Variants in MALRD1 observed in about 807,000 individuals in gnomAD.
The protein encoded by MALRD1 is MAM and LDL receptor class A domain containing 1.
A neutral mutation model predicts 242.1 loss-of-function variants in MALRD1; 247 were observed. The observed-to-expected ratio is 1.02, with a 90% CI of 0.92 to 1.13. The LOEUF is 1.13. Ranked by LOEUF, MALRD1 falls within the 50% of genes most tolerant of loss-of-function variation. The probability of loss-of-function intolerance (pLI) is 0.00; values close to 1 mark genes in which losing one functional copy is unlikely to be tolerated. For synonymous variants in MALRD1, 995 were observed against 866.6 expected (o/e 1.15, Z -2.60); for missense variants, 2,989 against 2,533.1 (o/e 1.18, Z -3.86).
At chr10:19,713,558 T>C (rs1408475642) in intron 38 of MALRD1, among the ~76,000 whole-genome samples, 2 of 152,252 alleles carry the variant, frequency 1.3e-5, no homozygotes, top group African/African-American at 4.8e-5. Flanking sequence ...TTTAATTGTC[T>C]GAAAAATATT....
chr10:19,418,980 G>A (rs1197375933), intron 28 of MALRD1, among the ~76,000 whole-genome samples: 1 of 152,010 alleles, frequency 6.6e-6, no homozygotes, highest in Non-Finnish European at 1.5e-5. Flanking sequence ...TAGTAGTATG[G>A]TGGAGCACAT....
At chr10:19,186,221 T>C (rs1835731349) in intron 14 of MALRD1, among the ~76,000 whole-genome samples, 1 of 152,220 alleles carries the variant, frequency 6.6e-6, no homozygotes, top group Non-Finnish European at 1.5e-5. Context: ...CTCTTCTCAT[T>C]GTCCTCAAGT....
chr10:19,312,400 A>ATATGTATG (rs1491220851), intron 21 of MALRD1, among the ~76,000 whole-genome samples: 10 of 143,634 alleles, frequency 7.0e-5, no homozygotes, highest in African/African-American at 2.6e-4. Context: ...ATATATATAT[A>ATATGTATG]TGTGTATATG....
At chr10:19,626,881 G>A (rs1160994884) in intron 36 of MALRD1, among the ~76,000 whole-genome samples, 1 of 151,970 alleles carries the variant, frequency 6.6e-6, no homozygotes, top group African/African-American at 2.4e-5. Context: ...GGATTTTAAT[G>A]TTCAGTTGGA....
rs1004712810 is a variant in MALRD1 at position 19,479,405 on chromosome 10, C to T, written c.5030-12112C>T. Among the ~76,000 whole-genome samples, 8 of 152,078 alleles carry T rather than the reference C, an allele frequency of 5.3e-5. No homozygotes were observed. In the East Asian group the frequency reaches 5.8e-4, roughly 11 times the overall value. ...GAGTTATAGGAATCCATATTTGAGT[C>T]GGATGAGAGAACGTATGGATTTTGT... is the stretch of plus-strand genomic sequence containing the variant. On this transcript the variant is annotated intron_variant, in intron 29 of 39. Transcript: ENST00000454679.
intron 21 of MALRD1, among the ~76,000 whole-genome samples, chr10:19,311,882 C>T (rs1427268635): frequency 2.6e-5 from 4 of 151,446 alleles, no homozygotes; most frequent in Non-Finnish European, 5.9e-5. Context: ...ACATTTTGTA[C>T]TCATGTTATT....
At chr10:19,626,538 T>C (rs1455400944) in intron 36 of MALRD1, among the ~76,000 whole-genome samples, 1 of 152,028 alleles carries the variant, frequency 6.6e-6, no homozygotes, top group Non-Finnish European at 1.5e-5. Context: ...TATAAAAGAC[T>C]AGATGAATTT....
At chr10:19,672,987 G>A (rs1841992141) in intron 36 of MALRD1, among the ~76,000 whole-genome samples, 1 of 152,128 alleles carries the variant, frequency 6.6e-6, no homozygotes, top group Non-Finnish European at 1.5e-5. Context: ...GTGCTCTTTG[G>A]TGGAAATATT....
chr10:19,512,232 T>C (rs1833435467), intron 31 of MALRD1, among the ~76,000 whole-genome samples: 1 of 152,158 alleles, frequency 6.6e-6, no homozygotes, highest in Admixed American at 6.5e-5. Flanking sequence ...GGTAAACATA[T>C]ACTCTGGCAT....
chr10:19,405,484 T>C (rs1377753917), intron 28 of MALRD1, among the ~76,000 whole-genome samples: 1 of 152,182 alleles, frequency 6.6e-6, no homozygotes, highest in African/African-American at 2.4e-5. Context: ...GACTTGATCA[T>C]CTGCTATAAT....
chr10:19,622,175 A>G (rs1205008249), intron 36 of MALRD1, among the ~76,000 whole-genome samples: 2 of 147,070 alleles, frequency 1.4e-5, no homozygotes, highest in African/African-American at 4.9e-5. Flanking sequence ...AATAAGAAAA[A>G]AAAATTATTA....
At chr10:19,459,351 A>G (rs1835821324) in intron 29 of MALRD1, among the ~76,000 whole-genome samples, 1 of 152,178 alleles carries the variant, frequency 6.6e-6, no homozygotes. Context: ...TCTTTGTGAC[A>G]TCAACCCTCT....
rs1385784613 is a variant in MALRD1 at position 19,128,369 on chromosome 10, A to G, written c.1092A>G (p.Val364=). ...CAATGGAAAGCAGTGTCCTGAGAGT[A>G]AGACTGTATAATAATAAGGTAAGAA... The part of the protein sequence containing the change: ...YYAMESSVLR[V]RLYNNKEEEI... The change falls in exon 8 of 40, where the codon GTA becomes GTG. Residue 364 remains valine (V), a synonymous_variant. Transcript: ENST00000454679. 28 of 1,232,850 alleles carry G rather than the reference A, an allele frequency of 2.3e-5. No individual in the cohort carries two copies. The highest frequency in any genetic ancestry group is 2.8e-5 in the Non-Finnish European group (28 of 987,416). The allele number at this position is 1,232,850 out of a possible 1,614,324, so 76.4% of individuals were successfully genotyped here.
chr10:19,383,434 T>G (rs767456304), intron 26 of MALRD1, among the ~76,000 whole-genome samples: 3 of 152,194 alleles, frequency 2.0e-5, no homozygotes, highest in Non-Finnish European at 4.4e-5. Flanking sequence ...TACCACATTT[T>G]CCTTATCCAG....
intron 31 of MALRD1, among the ~76,000 whole-genome samples, chr10:19,528,083 G>T (rs1834181826): frequency 6.6e-6 from 1 of 152,130 alleles, no homozygotes; most frequent in Admixed American, 6.5e-5. Context: ...AACAAAATGT[G>T]AAACTTAGAA....
intron 33 of MALRD1, among the ~76,000 whole-genome samples, chr10:19,569,244 A>G (rs1166125672): frequency 1.3e-5 from 2 of 151,984 alleles, no homozygotes; most frequent in Non-Finnish European, 1.5e-5. Context: ...CACCTTAGCT[A>G]GGCCTTTTAG....
chr10:19,221,321 ATT>A (rs1837547899), intron 18 of MALRD1, among the ~76,000 whole-genome samples: 1 of 152,166 alleles, frequency 6.6e-6, no homozygotes, highest in Non-Finnish European at 1.5e-5. Context: ...GAAAGTATAA[ATT>A]ACATATACAA....
intron 28 of MALRD1, among the ~76,000 whole-genome samples, chr10:19,403,023 A>G (rs987810895): frequency 1.3e-5 from 2 of 151,938 alleles, no homozygotes; most frequent in Admixed American, 6.6e-5. Context: ...TAAGACATTT[A>G]TAGTGCTTAA....
Position 19,503,761 on chromosome 10 carries a change from A to T in MALRD1, c.5320+5115A>T, listed in dbSNP as rs868381421. On this transcript the variant is annotated intron_variant, in intron 31 of 39. Coordinates refer to ENST00000454679, the MANE Select transcript of MALRD1 (RefSeq NM_001142308.3). ...CTCCTCTAGCATTTAAATAAGTTTGAATTGCACCTGATAAATACTTCTGTA... is the reference window on the plus strand; with the variant it reads ...CTCCTCTAGCATTTAAATAAGTTTGTATTGCACCTGATAAATACTTCTGTA... Among the ~76,000 whole-genome samples, 3 of 152,298 alleles carry T rather than the reference A, an allele frequency of 2.0e-5. No homozygotes were observed. The South Asian group carries it at 6.2e-4, about 32-fold the overall frequency.
Sources: gnomAD v4.1 joint callset for allele counts (sites outside exome capture counted in the v4.1 genomes callset) on GRCh38, gnomAD v4.1.1 for gene constraint, MANE v1.5 for transcripts, NCBI Gene and HGNC (gene_info 2026-07-23, HGNC 2026-07-21) for gene names.